Variants in RFX3 observed in about 807,000 individuals in gnomAD.
The protein encoded by RFX3 is regulatory factor X3.
A neutral mutation model predicts 98.6 loss-of-function variants in RFX3; 14 were observed. That is an observed-to-expected ratio of 0.14 (90% confidence interval 0.09 to 0.22). The LOEUF is 0.22. RFX3 is among the 10% of genes least tolerant of loss of function. The pLI is 1.00. For synonymous variants in RFX3, 383 were observed against 328.4 expected, an observed-to-expected ratio of 1.17 and a Z score of -1.80; for missense variants, 639 against 926.9, an observed-to-expected ratio of 0.69 and a Z score of 4.03.
intron 1 of RFX3, chr9:3,421,016 T>A: frequency 2.4e-6 from 1 of 424,128 alleles, no homozygotes; most frequent in Non-Finnish European, 2.9e-6. Context: ...TTCTACTATG[T>A]GCCAAAAAAA....
chr9:3,507,603 T>C (rs551120848), intron 1 of RFX3, among the ~76,000 whole-genome samples: 6 of 151,890 alleles, frequency 4.0e-5, no homozygotes, highest in Non-Finnish European at 7.4e-5. Flanking sequence ...TCCGTAACCA[T>C]GGGGAATTGG....
chr9:3,412,519 CTT>C (rs1842546391), intron 1 of RFX3, among the ~76,000 whole-genome samples: 1 of 151,956 alleles, frequency 6.6e-6, no homozygotes. Flanking sequence ...TTTTTTTCTT[CTT>C]GAGAGGGCTC....
intron 2 of RFX3, among the ~76,000 whole-genome samples, chr9:3,375,092 A>T (rs1838309669): frequency 6.6e-6 from 1 of 152,246 alleles, no homozygotes; most frequent in South Asian, 2.1e-4. Flanking sequence ...CTCAGTGACT[A>T]ATATTTACTC....
rs1004874193 is a variant in RFX3, at chr9:3,525,936, G to C, written c.-198C>G. 2.5e-5 allele frequency: 23 copies of C among 930,040 alleles called. No individual in the cohort carries two copies. The highest frequency in any genetic ancestry group is 2.7e-5 in the Non-Finnish European group (21 of 781,868). 57.6% of individuals were successfully genotyped at this position (930,040 alleles called of 1,614,324 possible). ...TGCTATAACTCACAAAAGAGAGAGA[G>C]AGAGGGAGAGAGAGAGAGAGCGAGA... On this transcript the variant is annotated 5_prime_UTR_variant, in exon 1 of 17. Transcript: ENST00000617270.
intron 9 of RFX3, among the ~76,000 whole-genome samples, chr9:3,271,973 G>T (rs1487738300): frequency 6.6e-6 from 1 of 151,982 alleles, no homozygotes; most frequent in African/African-American, 2.4e-5. Flanking sequence ...AATCTCGGGG[G>T]CCTCACCTCC....
At chr9:3,253,247 T>A (rs2131046538) in intron 14 of RFX3, among the ~76,000 whole-genome samples, 1 of 152,332 alleles carries the variant, frequency 6.6e-6, no homozygotes, top group African/African-American at 2.4e-5. Flanking sequence ...ATCACACCCT[T>A]CAGGTGAGAA....
intron 2 of RFX3, among the ~76,000 whole-genome samples, chr9:3,351,630 G>T (rs1224266130): frequency 6.6e-6 from 1 of 151,872 alleles, no homozygotes; most frequent in South Asian, 2.1e-4. Context: ...AATAAAAAAA[G>T]AACTAAAACA....
intron 2 of RFX3, among the ~76,000 whole-genome samples, chr9:3,373,721 T>C (rs368655965): frequency 5.2e-4 from 79 of 151,858 alleles, no homozygotes; most frequent in African/African-American, 1.4e-3. Context: ...GGACAAAAAG[T>C]ATAGGAGGAG....
intron 1 of RFX3, among the ~76,000 whole-genome samples, chr9:3,442,538 A>T (rs1003307172): frequency 6.6e-6 from 1 of 152,200 alleles, no homozygotes; most frequent in African/African-American, 2.4e-5. Context: ...ACAGAAACAG[A>T]TATTAGTGGA....
chr9:3,474,210 A>G (rs963753941), intron 1 of RFX3, among the ~76,000 whole-genome samples: 1 of 152,222 alleles, frequency 6.6e-6, no homozygotes, highest in African/African-American at 2.4e-5. Context: ...TGCAGTTCCA[A>G]TCAGCAAGCC....
intron 2 of RFX3, among the ~76,000 whole-genome samples, chr9:3,352,674 T>G (rs1036146919): frequency 1.3e-5 from 2 of 151,954 alleles, no homozygotes; most frequent in Non-Finnish European, 2.9e-5. Flanking sequence ...ATAGAAAACT[T>G]GACAAAATAT....
At chr9:3,439,756 G>C (rs1467662386) in intron 1 of RFX3, among the ~76,000 whole-genome samples, 4 of 151,906 alleles carry the variant, frequency 2.6e-5, no homozygotes, top group African/African-American at 4.8e-5. Context: ...CTGCAGAGGA[G>C]AGAATACTTC....
intron 4 of RFX3, among the ~76,000 whole-genome samples, chr9:3,323,002 T>C (rs1322721620): frequency 7.9e-5 from 12 of 152,222 alleles, no homozygotes. Flanking sequence ...ATTTTAAGTG[T>C]ATGTGTAAAA....
chr9:3,422,798 G>A (rs781387771), intron 1 of RFX3, among the ~76,000 whole-genome samples: 7 of 152,084 alleles, frequency 4.6e-5, no homozygotes, highest in Non-Finnish European at 7.4e-5. Context: ...TGGGGTTCAG[G>A]AGGTTTTATA....
rs536749356 is a variant in RFX3, at chr9:3,344,872, G to T, written c.215+1795C>A. On this transcript the variant is annotated intron_variant, in intron 3 of 16. Transcript: ENST00000617270. Reference sequence around the variant, plus strand: ...AGATTCCAAAATCATGCTCCAGGGGGCCCTGGACCTATACAACAAATAAGT... The same window carrying T: ...AGATTCCAAAATCATGCTCCAGGGGTCCCTGGACCTATACAACAAATAAGT... 7.3e-4 allele frequency: 519 copies of T among 715,094 alleles called. 2 individuals are homozygous for T. The African/African-American group carries it at 8.0e-3, about 11-fold the overall frequency. 44.3% of individuals were successfully genotyped at this position (715,094 alleles called of 1,614,324 possible). A position where few individuals can be genotyped will look rare whatever the true frequency, so the allele number is the denominator to read the frequency against.
intron 16 of RFX3, among the ~76,000 whole-genome samples, chr9:3,225,729 G>A (rs192636080): frequency 1.2e-4 from 18 of 152,204 alleles, no homozygotes; most frequent in Non-Finnish European, 2.4e-4. Flanking sequence ...CTATGCTAGC[G>A]TTAATGTATA....
At chr9:3,435,079 A>C (rs1302647766) in intron 1 of RFX3, among the ~76,000 whole-genome samples, 2 of 151,984 alleles carry the variant, frequency 1.3e-5, no homozygotes, top group African/African-American at 4.8e-5. Flanking sequence ...CTTAACAGAA[A>C]TGGAACCTAT....
chr9:3,365,944 C>G (rs918016067), intron 2 of RFX3, among the ~76,000 whole-genome samples: 2 of 151,828 alleles, frequency 1.3e-5, no homozygotes, highest in Admixed American at 6.5e-5. Flanking sequence ...TAAGTTAACT[C>G]TCTAACTTAG....
At chr9:3,342,560 C>T (rs568388888) in intron 3 of RFX3, among the ~76,000 whole-genome samples, 1 of 152,060 alleles carries the variant, frequency 6.6e-6, no homozygotes, top group East Asian at 1.9e-4. Context: ...CTTAATTTGA[C>T]CATAATACAG....
Sources: gnomAD v4.1 joint callset for allele counts (sites outside exome capture counted in the v4.1 genomes callset) on GRCh38, gnomAD v4.1.1 for gene constraint, MANE v1.5 for transcripts, NCBI Gene and HGNC (gene_info 2026-07-23, HGNC 2026-07-21) for gene names.